PCDHA5: variants seen among roughly 807,000 people sequenced by gnomAD.
PCDHA5 encodes protocadherin alpha-5.
In PCDHA5, 43 loss-of-function variants were observed where a neutral mutation model predicts 61.6. The ratio of observed to expected loss-of-function variants is 0.70; its 90% CI spans 0.55 to 0.90. The LOEUF is 0.90. Among genes scored for constraint, PCDHA5 ranks in the 40% least tolerant of loss-of-function variants. The pLI is 0.00. For missense variants in PCDHA5, 1,298 were observed against 1,222.7 expected (o/e 1.06, Z -0.92); for synonymous variants, 627 against 543.9 (o/e 1.15, Z -2.13).
intron 1 of PCDHA5, chr5:140,884,043 C>A (rs1196406346): frequency 6.2e-7 from 1 of 1,613,248 alleles, no homozygotes; most frequent in African/African-American, 1.3e-5. Flanking sequence ...CACGTGGTGG[C>A]GAAGGTGCGC....
chr5:140,868,900 G>A (rs2050728202), intron 1 of PCDHA5: 1 of 811,546 alleles, frequency 1.2e-6, no homozygotes, highest in Non-Finnish European at 1.9e-6. Flanking sequence ...GCAAGGTGTC[G>A]CTCTTTACTT....
chr5:140,921,051 C>T (rs2079992855), intron 1 of PCDHA5, among the ~76,000 whole-genome samples: 1 of 151,910 alleles, frequency 6.6e-6, no homozygotes, highest in Non-Finnish European at 1.5e-5. Context: ...GCAATCATAG[C>T]TCACTCTAAC....
chr5:140,950,323 A>G (rs1400315467), intron 1 of PCDHA5, among the ~76,000 whole-genome samples: 1 of 152,046 alleles, frequency 6.6e-6, no homozygotes, highest in Non-Finnish European at 1.5e-5. Context: ...TAATGCATAT[A>G]TGCTGCAGTG....
intron 1 of PCDHA5, chr5:140,869,579 A>G: frequency 6.2e-7 from 1 of 1,614,178 alleles, no homozygotes; most frequent in Non-Finnish European, 8.5e-7. Flanking sequence ...GGAGCTTCTG[A>G]TGCTGACATT....
At chr5:140,999,855 G>A (rs1019104615) in intron 3 of PCDHA5, among the ~76,000 whole-genome samples, 8 of 152,094 alleles carry the variant, frequency 5.3e-5, no homozygotes, top group Admixed American at 2.6e-4. Context: ...TATCTCTTCC[G>A]CTCCAAGATT....
At chr5:140,893,229 G>A (rs922723551) in intron 1 of PCDHA5, among the ~76,000 whole-genome samples, 3 of 152,212 alleles carry the variant, frequency 2.0e-5, no homozygotes, top group Non-Finnish European at 4.4e-5. Context: ...GTATCACTTT[G>A]ACATACTGGT....
In PCDHA5 at chr5:140,835,819, CG is replaced by C. The variant is rs2150245755; in HGVS notation, c.2352+11697del. On this transcript the variant is annotated intron_variant, in intron 1 of 3. Transcript: ENST00000529859. The stretch of plus-strand genomic sequence containing the variant: ...GGCTGCCACATCTTCACTGTGTCGG[CG>C]GGGGACGCGGACGCGCAGAAGAACG... The C allele has an allele frequency of 7.4e-6, 12 of 1,612,672 alleles. No homozygotes were observed. In the South Asian group the frequency reaches 1.2e-4, roughly 16 times the overall value.
rs1002466846 is a variant in PCDHA5, at chr5:140,853,169, G to A, written c.2352+29042G>A. The A allele has an allele frequency of 8.3e-6, 8 of 959,586 alleles. No individual in the cohort carries two copies. The African/African-American group carries it at 8.9e-5, about 11-fold the overall frequency. The allele number at this position is 959,586 out of a possible 1,614,324, so 59.4% of individuals were successfully genotyped here. On this transcript the variant is annotated intron_variant, in intron 1 of 3. Coordinates refer to ENST00000529859, the MANE Select transcript of PCDHA5 (RefSeq NM_018908.3). Reference sequence around the variant, plus strand: ...GCTGGGATTACAGGCGTGAGCCACCGCGCCTGGCCTAAAATGTGTTCTTTA... The same window carrying A: ...GCTGGGATTACAGGCGTGAGCCACCACGCCTGGCCTAAAATGTGTTCTTTA...
intron 1 of PCDHA5, chr5:140,882,313 G>A (rs2059060330): frequency 1.2e-6 from 2 of 1,614,128 alleles, no homozygotes; most frequent in Non-Finnish European, 1.7e-6. Flanking sequence ...GGCAACTACT[G>A]CTCTGGCTTC....
At chr5:140,909,561 C>G (rs1281989854) in intron 1 of PCDHA5, among the ~76,000 whole-genome samples, 1 of 152,110 alleles carries the variant, frequency 6.6e-6, no homozygotes, top group Non-Finnish European at 1.5e-5. Flanking sequence ...TCTCTGCAAC[C>G]CATCCAGAGA....
intron 1 of PCDHA5, chr5:140,929,570 A>G (rs1563117537): frequency 2.2e-6 from 1 of 458,222 alleles, no homozygotes; most frequent in South Asian, 1.1e-4. Flanking sequence ...TAAGAACAAT[A>G]AAAGTAATAT....
chr5:140,971,718 G>A (rs1554233569), intron 1 of PCDHA5, among the ~76,000 whole-genome samples: 3 of 151,796 alleles, frequency 2.0e-5, no homozygotes, highest in Non-Finnish European at 2.9e-5. Flanking sequence ...ATAGATATAT[G>A]TATATCATAC....
At chr5:140,866,798 C>T (rs900250117) in intron 1 of PCDHA5, 1 of 152,110 alleles carries the variant, frequency 6.6e-6, no homozygotes, top group Non-Finnish European at 1.5e-5. Context: ...TAGTAAAAGT[C>T]AGGCACAAAG....
At chr5:140,946,447 A>G (rs1206019841) in intron 1 of PCDHA5, among the ~76,000 whole-genome samples, 6 of 151,544 alleles carry the variant, frequency 4.0e-5, no homozygotes, top group Non-Finnish European at 7.4e-5. Context: ...AGACTAAAAC[A>G]ACTATCCAGC....
rs574487083 is a variant in PCDHA5 at position 140,915,476 on chromosome 5, T to C, written c.2353-63473T>C. Among the ~76,000 whole-genome samples the C allele has an allele frequency of 2.0e-5, 3 of 152,296 alleles. No homozygotes were observed. The South Asian group carries it at 6.2e-4, about 32-fold the overall frequency. On this transcript the variant is annotated intron_variant, in intron 1 of 3. Transcript: ENST00000529859. ...CCAGAAGGTTTTTATTTGAAGGAGC[T>C]TGGGCCTCAATCCCAATAATACTGT...
intron 1 of PCDHA5, among the ~76,000 whole-genome samples, chr5:140,887,337 C>T (rs2153419784): frequency 6.6e-6 from 1 of 152,268 alleles, no homozygotes; most frequent in East Asian, 1.9e-4. Flanking sequence ...ACCTCGTGAT[C>T]CACCTGGCTC....
intron 3 of PCDHA5, among the ~76,000 whole-genome samples, chr5:140,999,234 G>T (rs1327126129): frequency 1.3e-5 from 2 of 152,232 alleles, no homozygotes; most frequent in African/African-American, 4.8e-5. Context: ...AGAATAGGTG[G>T]TTAAAGTGGG....
intron 1 of PCDHA5, among the ~76,000 whole-genome samples, chr5:140,908,899 C>CT (rs1382483322): frequency 6.6e-6 from 1 of 152,194 alleles, no homozygotes; most frequent in Non-Finnish European, 1.5e-5. Flanking sequence ...AAATAAGCCT[C>CT]TTTCGTGGTT....
At position 140,928,790 on chromosome 5, in the gene PCDHA5, G is replaced by T. The variant is rs370207805; in HGVS notation, c.2353-50159G>T. The T allele has an allele frequency of 9.3e-6, 15 of 1,614,058 alleles. No homozygotes were observed. Among genetic ancestry groups the T allele is most frequent in the Non-Finnish European group, 1.2e-5 (14 of 1,180,044 alleles). On this transcript the variant is annotated intron_variant, in intron 1 of 3. Coordinates refer to ENST00000529859, the MANE Select transcript of PCDHA5 (RefSeq NM_018908.3). The stretch of plus-strand genomic sequence containing the variant: ...CTTCCCACTGATGCAGTTAAGCAGA[G>T]GGTGGTGGTAGTGGTTCGGGACCAT...
Sources: gnomAD v4.1 joint callset for allele counts (sites outside exome capture counted in the v4.1 genomes callset) on GRCh38, gnomAD v4.1.1 for gene constraint, MANE v1.5 for transcripts, NCBI Gene and HGNC (gene_info 2026-07-23, HGNC 2026-07-21) for gene names.